LDAH: variants seen among roughly 807,000 people sequenced by gnomAD.
The protein encoded by LDAH is lipid droplet associated hydrolase.
LDAH carries 26 observed loss-of-function variants against 29.6 expected under a neutral mutation model. That is an observed-to-expected ratio of 0.88 (90% confidence interval 0.64 to 1.22). The LOEUF is 1.22. LDAH is among the 50% of genes most tolerant of loss of function. LDAH has a pLI of 0.00. For missense variants in LDAH, 344 were observed against 387.3 expected (o/e 0.89, Z 0.94); for synonymous variants, 117 against 133.0 (o/e 0.88, Z 0.83).
chr2:20,713,211 C>G (rs1433237935), intron 5 of LDAH, among the ~76,000 whole-genome samples: 1 of 152,158 alleles, frequency 6.6e-6, no homozygotes, highest in Non-Finnish European at 1.5e-5. Flanking sequence ...CTCTACAAGC[C>G]AGAAGAGAGT....
intron 4 of LDAH, among the ~76,000 whole-genome samples, chr2:20,740,572 G>A (rs1375270877): frequency 2.0e-5 from 3 of 152,164 alleles, no homozygotes; most frequent in East Asian, 1.9e-4. Context: ...GCCTCCCAAA[G>A]TGCTGGGATT....
At chr2:20,756,327 G>GC (rs1173061478) in intron 4 of LDAH, among the ~76,000 whole-genome samples, 5 of 152,118 alleles carry the variant, frequency 3.3e-5, no homozygotes, top group African/African-American at 1.2e-4. Flanking sequence ...GAGCCACCGT[G>GC]CCCAGCCTGG....
chr2:20,685,045 A>G lies in LDAH; in HGVS notation c.*1858T>C. 3 of 1,234,142 alleles carry G rather than the reference A, an allele frequency of 2.4e-6. No individual in the cohort carries two copies. The highest frequency in any genetic ancestry group is 3.2e-6 in the Non-Finnish European group (3 of 924,076). The allele number at this position is 1,234,142 out of a possible 1,614,324, so 76.4% of individuals were successfully genotyped here. On this transcript the variant is annotated 3_prime_UTR_variant, in exon 7 of 7. Transcript: ENST00000237822. ...TTGCCCAACACAGAGATCAGGCCAG[A>G]CCAGGTCAGAAATGCTGGTAAAACA...
At chr2:20,694,691 C>A (rs1464432652) in intron 6 of LDAH, among the ~76,000 whole-genome samples, 1 of 152,228 alleles carries the variant, frequency 6.6e-6, no homozygotes, top group African/African-American at 2.4e-5. Context: ...TCTCTGCAGG[C>A]ACAGAGGGGA....
At chr2:20,694,234 C>T (rs1484731782) in intron 6 of LDAH, among the ~76,000 whole-genome samples, 1 of 152,214 alleles carries the variant, frequency 6.6e-6, no homozygotes, top group Non-Finnish European at 1.5e-5. Flanking sequence ...CTGTTAGGTC[C>T]TCCAATGCAT....
chr2:20,771,032 G>A (rs1309008634), intron 4 of LDAH, among the ~76,000 whole-genome samples: 1 of 152,108 alleles, frequency 6.6e-6, no homozygotes. Context: ...ATTTGCTCAA[G>A]TTTCTCTTTA....
intron 5 of LDAH, among the ~76,000 whole-genome samples, chr2:20,718,828 A>G (rs896780781): frequency 3.3e-5 from 5 of 152,190 alleles, no homozygotes; most frequent in African/African-American, 4.8e-5. Flanking sequence ...TCTGACCACA[A>G]TGGAATAAAA....
intron 3 of LDAH, among the ~76,000 whole-genome samples, chr2:20,786,678 T>G (rs546790031): frequency 2.6e-4 from 39 of 152,246 alleles, no homozygotes; most frequent in African/African-American, 8.7e-4. Context: ...GACATGGTGG[T>G]AAAATGAGGA....
intron 5 of LDAH, among the ~76,000 whole-genome samples, chr2:20,710,737 TTATACACA>T (rs1375597116): frequency 1.4e-5 from 2 of 147,978 alleles, no homozygotes; most frequent in Non-Finnish European, 3.0e-5. Flanking sequence ...TACATATATA[TTATACACA>T]TATACATATA....
intron 5 of LDAH, among the ~76,000 whole-genome samples, chr2:20,731,595 C>T (rs918772894): frequency 1.3e-5 from 2 of 152,048 alleles, no homozygotes; most frequent in African/African-American, 4.8e-5. Context: ...TTACTTAGGT[C>T]TTCTTTCATT....
At chr2:20,761,673 A>G (rs1668698280) in intron 4 of LDAH, among the ~76,000 whole-genome samples, 1 of 152,178 alleles carries the variant, frequency 6.6e-6, no homozygotes, top group African/African-American at 2.4e-5. Flanking sequence ...AACATAATTT[A>G]TACCTACTGG....
chr2:20,780,018 C>A (rs562621642), intron 3 of LDAH, among the ~76,000 whole-genome samples: 133 of 152,286 alleles, frequency 8.7e-4, no homozygotes, highest in African/African-American at 3.1e-3. Flanking sequence ...CCTTTCACAA[C>A]TGTCCTGAGG....
At chr2:20,688,487 A>G (rs1337397752) in intron 6 of LDAH, among the ~76,000 whole-genome samples, 2 of 152,194 alleles carry the variant, frequency 1.3e-5, no homozygotes, top group African/African-American at 4.8e-5. Flanking sequence ...TGACATGCTG[A>G]GGTCCCTATG....
At chr2:20,782,222 C>T (rs548043540) in intron 3 of LDAH, among the ~76,000 whole-genome samples, 2 of 152,270 alleles carry the variant, frequency 1.3e-5, no homozygotes, top group South Asian at 4.1e-4. Context: ...CAGAGGTAGC[C>T]ACCTGTGTTT....
At chr2:20,742,608 T>C (rs1352718973) in intron 4 of LDAH, among the ~76,000 whole-genome samples, 1 of 152,172 alleles carries the variant, frequency 6.6e-6, no homozygotes, top group African/African-American at 2.4e-5. Flanking sequence ...GTCTGAAATA[T>C]AGCTACTCCT....
At chr2:20,807,926 T>C (rs1217743881) in intron 1 of LDAH, among the ~76,000 whole-genome samples, 6 of 140,912 alleles carry the variant, frequency 4.3e-5, no homozygotes, top group Admixed American at 1.4e-4. Context: ...ATGACATACA[T>C]AGAAAATGCA....
At chr2:20,701,501 T>C (rs990494424) in intron 6 of LDAH, 69 bp downstream of exon 6, 2 of 1,243,422 alleles carry the variant, frequency 1.6e-6, no homozygotes, top group Non-Finnish European at 2.4e-6. Flanking sequence ...TAACTAGTTC[T>C]AGTCCTTTGC....
At chr2:20,703,986 G>A (rs955266218) in intron 5 of LDAH, among the ~76,000 whole-genome samples, 16 of 152,162 alleles carry the variant, frequency 1.1e-4, no homozygotes, top group African/African-American at 3.9e-4. Flanking sequence ...AATAAAATCA[G>A]CTTAGGAGAT....
intron 5 of LDAH, among the ~76,000 whole-genome samples, chr2:20,722,762 A>G (rs1448042053): frequency 6.6e-6 from 1 of 152,206 alleles, no homozygotes; most frequent in Non-Finnish European, 1.5e-5. Flanking sequence ...TATTTTTTAG[A>G]AAACCTTAAC....
Sources: allele counts gnomAD v4.1 joint callset (sites outside exome capture counted in the v4.1 genomes callset), GRCh38; gene constraint gnomAD v4.1.1; transcripts MANE v1.5; gene names NCBI Gene and HGNC (gene_info 2026-07-23, HGNC 2026-07-21).